The following TLE3 variants were observed in gnomAD, a reference collection of about 807,000 sequenced individuals.
TLE3 encodes transducin-like enhancer protein 3.
Under a neutral mutation model 93.0 loss-of-function variants are expected in TLE3, and 14 were observed. The ratio of observed to expected loss-of-function variants is 0.15; its 90% CI spans 0.10 to 0.24. The LOEUF (loss-of-function observed/expected upper bound fraction) is 0.24, where lower values mean the gene tolerates loss of function less well. TLE3 is among the 10% of genes least tolerant of loss of function. The probability of loss-of-function intolerance (pLI) is 1.00; values close to 1 mark genes in which losing one functional copy is unlikely to be tolerated. For missense variants in TLE3, 693 were observed against 1,046.6 expected (o/e 0.66, Z 4.66); for synonymous variants, 451 against 425.0 (o/e 1.06, Z -0.75).
At chr15:70,094,444 T>C (rs2058453270) in intron 4 of TLE3, 88 bp downstream of exon 4, 1 of 1,025,842 alleles carries the variant, frequency 9.7e-7, no homozygotes, top group Non-Finnish European at 1.4e-6. Context: ...AGAAGCAGGC[T>C]CACTTTCAAA....
chr15:70,069,427 C>T (rs2057009731), intron 6 of TLE3, among the ~76,000 whole-genome samples: 1 of 152,210 alleles, frequency 6.6e-6, no homozygotes, highest in South Asian at 2.1e-4. Context: ...CAGACAGTGG[C>T]TTTCAAAGCT....
In TLE3 at chr15:70,094,884, T is replaced by TTGA. The variant is rs529075373; in HGVS notation, c.190-309_190-308insTCA. The TTGA allele has an allele frequency of 6.2e-4, 202 of 323,916 alleles. 3 individuals are homozygous for TTGA. The South Asian group carries it at 0.011, about 17-fold the overall frequency. The allele number at this position is 323,916 out of a possible 1,614,324, so 20.1% of individuals were successfully genotyped here. ...TTCAGGTTCAACAGGGAATCGTGTG[T>TTGA]ACACTGGGACCCTCTTGTCCTCTGA... On this transcript the variant is annotated intron_variant, in intron 3 of 19. Coordinates refer to ENST00000451782, the MANE Select transcript of TLE3 (RefSeq NM_001105192.3).
At position 70,058,937 on chromosome 15, in the gene TLE3, G is replaced by GT; in HGVS notation, c.766-123_766-122insA. 7.4e-7 allele frequency: 1 copy of GT among 1,346,740 alleles called. No homozygotes were observed. Among genetic ancestry groups the GT allele is most frequent in the East Asian group, 2.7e-5 (1 of 37,640 alleles). The allele number at this position is 1,346,740 out of a possible 1,614,324, so 83.4% of individuals were successfully genotyped here. ...GGAAGACGAGCTTGGCTGAAAGACT[G>GT]GGGGCCCCACAGTGAGGAAAAACTA... On this transcript the variant is annotated intron_variant, in intron 10 of 19. Transcript: ENST00000451782. This position sits in a 1 kb window ranked among gnomAD's most constrained non-coding sequence, Gnocchi z 4.1.
Position 70,055,076 on chromosome 15 carries a change from C to T in TLE3, c.1551G>A (p.Lys517=), listed in dbSNP as rs982632223. 4.3e-6 allele frequency: 7 copies of T among 1,613,400 alleles called. No homozygotes were observed. Among genetic ancestry groups the T allele is most frequent in the Non-Finnish European group, 5.9e-6 (7 of 1,179,680 alleles). ...KIWDISQPGS[K]SPISQLDCLN... Reference sequence around the variant, plus strand: ...GGCAGTCCAGCTGGGAGATGGGGCTCTTGCTGCCTGGCTGGCTGATGTCCC... The same window carrying T: ...GGCAGTCCAGCTGGGAGATGGGGCTTTTGCTGCCTGGCTGGCTGATGTCCC... The change falls in exon 15 of 20, where the codon AAG becomes AAA. Residue 517 remains lysine (K), a synonymous_variant. Transcript: ENST00000451782.
chr15:70,097,176 G>T lies in TLE3; in HGVS notation c.-378C>A. On this transcript the variant is annotated 5_prime_UTR_variant, in exon 1 of 20. Coordinates refer to ENST00000451782, the MANE Select transcript of TLE3 (RefSeq NM_001105192.3). The stretch of plus-strand genomic sequence containing the variant: ...TCCGGCGCGGGGTCCCGAGGCCGGG[G>T]GCCCCTCCTGGGGCGAGCTCGGGCC... 2.4e-6 allele frequency: 1 copy of T among 418,872 alleles called. No individual in the cohort carries two copies. The highest frequency in any genetic ancestry group is 4.1e-6 in the Non-Finnish European group (1 of 241,382). 25.9% of individuals were successfully genotyped at this position (418,872 alleles called of 1,614,324 possible).
intron 18 of TLE3, among the ~76,000 whole-genome samples, chr15:70,051,900 G>A (rs1036208149): frequency 6.6e-6 from 1 of 152,200 alleles, no homozygotes; most frequent in Non-Finnish European, 1.5e-5. Context: ...GGCTCTACAA[G>A]TGTTAAAGCC....
rs757788712 is a variant in TLE3, at chr15:70,095,657, G to A, written c.126-16C>T. On this transcript the variant is annotated splice_polypyrimidine_tract_variant and intron_variant, in intron 2 of 19. Transcript: ENST00000451782. ...CACTTTGAGGCTGCGAGGGCAGGAG[G>A]AGCCGGCTCAGGCGTGGCGCCTGGA... 8 of 1,551,182 alleles carry A rather than the reference G, an allele frequency of 5.2e-6. No homozygotes were observed. The highest frequency in any genetic ancestry group is 1.4e-5 in the African/African-American group (1 of 73,042).
Position 70,056,915 on chromosome 15 carries a change from A to AT in TLE3, c.1252-542dup, listed in dbSNP as rs201308528. 4.9e-3 allele frequency among the ~76,000 whole-genome samples: 752 copies of AT among 151,978 alleles called. 6 individuals are homozygous for AT. The highest frequency in any genetic ancestry group is 0.018 in the African/African-American group (727 of 41,456). On this transcript the variant is annotated intron_variant, in intron 13 of 19. Transcript: ENST00000451782. ...TAGCGCCTGCCACCACGCCCGGCTA[A>AT]TTTTTGTATTTTTAGTAGAGATGAG...
chr15:70,057,180 AG>A (rs1165342860), intron 13 of TLE3, among the ~76,000 whole-genome samples: 1 of 152,238 alleles, frequency 6.6e-6, no homozygotes, highest in Non-Finnish European at 1.5e-5. Context: ...TGGGAAAGCC[AG>A]GTGTCAGCCC....
At position 70,074,562 on chromosome 15, in the gene TLE3, T is replaced by A; in HGVS notation, c.343A>T (p.Thr115Ser). 6.2e-7 allele frequency: 1 copy of A among 1,612,816 alleles called. No individual in the cohort carries two copies. The highest frequency in any genetic ancestry group is 8.5e-7 in the Non-Finnish European group (1 of 1,179,480). The change falls in exon 6 of 20, where the codon ACC becomes TCC. Residue 115 changes from threonine to serine, a missense_variant. Thr to Ser is a moderately conservative substitution (Grantham distance 58). This residue lies in a region of TLE3 where 104 missense variants were observed against 173.8 expected (regional missense o/e 0.60). Coordinates refer to ENST00000451782, the MANE Select transcript of TLE3 (RefSeq NM_001105192.3). ...AQAVERAKQV[T>S]MTELNAIIGQ... ...ATGATGGCGTTCAGCTCCGTCATGGTGACCTGCTTGGCGCGCTCCACTGCC... is the reference window on the plus strand; with the variant it reads ...ATGATGGCGTTCAGCTCCGTCATGGAGACCTGCTTGGCGCGCTCCACTGCC...
At chr15:70,060,885 G>T in intron 8 of TLE3, 1 of 546,098 alleles carries the variant, frequency 1.8e-6, no homozygotes, top group Non-Finnish European at 3.4e-6. Flanking sequence ...CTCTTTTGCA[G>T]CTCTGCACTG....
intron 6 of TLE3, 46 bp downstream of exon 6, chr15:70,074,487 A>G: frequency 6.3e-7 from 1 of 1,585,642 alleles, no homozygotes; most frequent in Non-Finnish European, 8.6e-7. Context: ...GAGAGGAATA[A>G]AAGGGCTATA....
intron 6 of TLE3, among the ~76,000 whole-genome samples, chr15:70,071,133 T>G (rs1249363365): frequency 6.6e-6 from 1 of 152,158 alleles, no homozygotes; most frequent in Non-Finnish European, 1.5e-5. Context: ...TTAAATCTGC[T>G]TGGGAAATAT....
At chr15:70,060,837 T>C (rs2056425513) in intron 8 of TLE3, 188 bp from the exon 9 acceptor site, 5 of 904,130 alleles carry the variant, frequency 5.5e-6, no homozygotes, top group Non-Finnish European at 8.5e-6. Flanking sequence ...CCCCTGAGAC[T>C]GAGTCCCCGG....
At chr15:70,054,859 G>T in intron 15 of TLE3, 174 bp from the exon 16 acceptor site, 1 of 1,218,946 alleles carries the variant, frequency 8.2e-7, no homozygotes, top group Non-Finnish European at 1.1e-6. Context: ...GATCTTTCAT[G>T]AATACCAGGA....
At chr15:70,076,186 C>G in intron 4 of TLE3, 28 bp from the exon 5 acceptor site, 9 of 1,611,236 alleles carry the variant, frequency 5.6e-6, no homozygotes, top group Non-Finnish European at 6.8e-6. Flanking sequence ...CCACATGAAG[C>G]TCAGGCAAAT....
At chr15:70,056,082 G>C in intron 14 of TLE3, 1 of 624,300 alleles carries the variant, frequency 1.6e-6, no homozygotes, top group East Asian at 2.8e-5. Flanking sequence ...CTCTGTCGGA[G>C]GGAGCTTCTG....
intron 14 of TLE3, 22 bp from the exon 15 acceptor site, chr15:70,055,320 A>G (rs2055924477): frequency 1.3e-6 from 2 of 1,545,270 alleles, no homozygotes; most frequent in Admixed American, 1.8e-5. Context: ...AGAAACCGTC[A>G]CTGCTGCCAT....
At chr15:70,055,333 A>C (rs2141437621) in intron 14 of TLE3, 35 bp from the exon 15 acceptor site, 3 of 1,529,816 alleles carry the variant, frequency 2.0e-6, no homozygotes, top group Non-Finnish European at 2.6e-6. Context: ...GCTGCCATCC[A>C]CCCCGGCCCC....
Sources: allele counts gnomAD v4.1 joint callset (sites outside exome capture counted in the v4.1 genomes callset), GRCh38; gene constraint gnomAD v4.1.1; regional missense constraint gnomAD v4.1.1; non-coding constraint Gnocchi (gnomAD v3.1); transcripts MANE v1.5; gene names NCBI Gene and HGNC (gene_info 2026-07-23, HGNC 2026-07-21).